CRB1: variants seen among roughly 807,000 people sequenced by gnomAD.
CRB1 encodes crumbs cell polarity complex component 1, also known as protein crumbs homolog 1.
A neutral mutation model predicts 120.0 loss-of-function variants in CRB1; 83 were observed. The observed-to-expected ratio is 0.69, with a 90% CI of 0.58 to 0.83. The LOEUF (loss-of-function observed/expected upper bound fraction) is 0.83, where lower values mean the gene tolerates loss of function less well. Among genes scored for constraint, CRB1 ranks in the 40% least tolerant of loss-of-function variants. The pLI is 0.00. For synonymous variants in CRB1, 625 were observed against 612.5 expected (o/e 1.02, Z -0.30); for missense variants, 1,699 against 1,687.6 (o/e 1.01, Z -0.12).
intron 1 of CRB1, among the ~76,000 whole-genome samples, chr1:197,325,798 G>A (rs1265019797): frequency 6.6e-6 from 1 of 152,096 alleles, no homozygotes; most frequent in Non-Finnish European, 1.5e-5. Flanking sequence ...GATACAATGA[G>A]GAGTGTTTAT....
Position 197,421,408 on chromosome 1 carries a change from G to C in CRB1, c.1580G>C (p.Ser527Thr). 6.2e-7 allele frequency: 1 copy of C among 1,614,190 alleles called. No individual in the cohort carries two copies. The highest frequency in any genetic ancestry group is 8.5e-7 in the Non-Finnish European group (1 of 1,180,034). Residue 527 changes from serine to threonine, a missense_variant, in exon 6 of 12, where the codon AGC (serine) becomes ACC (threonine). By Grantham distance (58) the Ser-to-Thr change is moderately conservative. Coordinates refer to ENST00000367400, the MANE Select transcript of CRB1 (RefSeq NM_201253.3). ...CCAATGGCTCTTCTACTTTTCCGAA[G>C]CAACAGGGATGTGTTTGTGAAGCTG... ...VQPMALLLFR[S>T]NRDVFVKLEL...
At chr1:197,344,136 T>A (rs1558067615) in intron 2 of CRB1, 145 bp from the exon 3 acceptor site, 2 of 824,994 alleles carry the variant, frequency 2.4e-6, no homozygotes, top group East Asian at 2.6e-5. Flanking sequence ...CAAAAGTTAA[T>A]ATCAATTACA....
chr1:197,238,028 T>C, the CRB1 span, among the ~76,000 whole-genome samples: 2 of 152,198 alleles, frequency 1.3e-5, no homozygotes, highest in Non-Finnish European at 2.9e-5. Flanking sequence ...GTTCTACAAA[T>C]GTTGATATGT....
At chr1:197,280,368 A>G (rs1419675261) in intron 1 of CRB1, among the ~76,000 whole-genome samples, 1 of 151,864 alleles carries the variant, frequency 6.6e-6, no homozygotes, top group African/African-American at 2.4e-5. Flanking sequence ...ATAATAATCT[A>G]TTGCTCAAAC....
chr1:197,228,617 T>G, the CRB1 span, among the ~76,000 whole-genome samples: 1 of 152,212 alleles, frequency 6.6e-6, no homozygotes, highest in Non-Finnish European at 1.5e-5. Flanking sequence ...TTTCCCACAT[T>G]TTCCCGGCTT....
At chr1:197,459,060 A>G (rs1397944382) in intron 11 of CRB1, among the ~76,000 whole-genome samples, 12 of 151,970 alleles carry the variant, frequency 7.9e-5, no homozygotes, top group Admixed American at 6.6e-5. Flanking sequence ...TGATAGTGGG[A>G]AAAAAAAGTT....
intron 1 of CRB1, among the ~76,000 whole-genome samples, chr1:197,279,064 A>G (rs1655379122): frequency 6.6e-6 from 1 of 152,016 alleles, no homozygotes; most frequent in Non-Finnish European, 1.5e-5. Flanking sequence ...GAAAGAAAAT[A>G]TAATCAAGCT....
At position 197,273,778 on chromosome 1, in the gene CRB1, T is replaced by TA. The variant is rs758317576; in HGVS notation, c.70+5302dup. Among the ~76,000 whole-genome samples the TA allele has an allele frequency of 1.1e-4, 16 of 152,130 alleles. 1 individual carries two copies. Among genetic ancestry groups the TA allele is most frequent in the Admixed American group, 5.2e-4 (8 of 15,250 alleles). ...CTCCCCATCAATGTGGGGTGCTTTT[T>TA]AAAAAAGGATTTTCTTCCTTTATGG... On this transcript the variant is annotated intron_variant, in intron 1 of 11. Transcript: ENST00000367400.
intron 5 of CRB1, among the ~76,000 whole-genome samples, chr1:197,380,846 A>C (rs1008000302): frequency 1.3e-5 from 2 of 152,142 alleles, no homozygotes; most frequent in African/African-American, 2.4e-5. Flanking sequence ...AAATTACACA[A>C]AGCAGCCCTG....
At chr1:197,331,164 A>G (rs1476231398) in intron 2 of CRB1, among the ~76,000 whole-genome samples, 1 of 152,150 alleles carries the variant, frequency 6.6e-6, no homozygotes, top group Non-Finnish European at 1.5e-5. Context: ...TCTCAAAAAA[A>G]AAAAGAGGAG....
At chr1:197,397,128 T>A (rs1306205253) in intron 5 of CRB1, among the ~76,000 whole-genome samples, 1 of 151,968 alleles carries the variant, frequency 6.6e-6, no homozygotes, top group Non-Finnish European at 1.5e-5. Context: ...ATACAAAAAA[T>A]TTAAATAAAT....
the CRB1 span, among the ~76,000 whole-genome samples, chr1:197,261,164 A>G: frequency 6.6e-6 from 1 of 152,206 alleles, no homozygotes; most frequent in Admixed American, 6.5e-5. Flanking sequence ...AATCTATACA[A>G]ACACAGAATA....
chr1:197,288,535 C>A (rs941734846), intron 1 of CRB1, among the ~76,000 whole-genome samples: 1 of 151,692 alleles, frequency 6.6e-6, no homozygotes, highest in Non-Finnish European at 1.5e-5. Context: ...CAAAACAGAT[C>A]ATAAATTGAT....
chr1:197,239,147 C>T, the CRB1 span, among the ~76,000 whole-genome samples: 63 of 151,770 alleles, frequency 4.2e-4, no homozygotes, highest in Admixed American at 1.6e-3. Context: ...ATAGTCTATC[C>T]GGGTATATCT....
At chr1:197,316,699 TCATTGAAG>T (rs1321198372) in intron 1 of CRB1, among the ~76,000 whole-genome samples, 2 of 152,132 alleles carry the variant, frequency 1.3e-5, no homozygotes, top group Non-Finnish European at 2.9e-5. Context: ...ACTTTAAAAT[TCATTGAAG>T]CAAACTCTCT....
chr1:197,230,923 G>GA, the CRB1 span, among the ~76,000 whole-genome samples: 1 of 152,120 alleles, frequency 6.6e-6, no homozygotes, highest in Non-Finnish European at 1.5e-5. Context: ...GGTAAAATTA[G>GA]AGATATTAAA....
chr1:197,405,650 G>A lies in CRB1; in HGVS notation c.1172-15350G>A, dbSNP rs542194653. On this transcript the variant is annotated intron_variant, in intron 5 of 11. Coordinates refer to ENST00000367400, the MANE Select transcript of CRB1 (RefSeq NM_201253.3). ...AAGTGAGGAGTGTCTCTGCCCGGCC[G>A]CCCATCGTCTGAGATGTGGGGAGCG... is the stretch of plus-strand genomic sequence containing the variant. Among the ~76,000 whole-genome samples the A allele has an allele frequency of 6.0e-5, 9 of 150,192 alleles. No homozygotes were observed. In the South Asian group the frequency reaches 1.1e-3, roughly 18 times the overall value.
chr1:197,301,710 G>T (rs1042022249), intron 1 of CRB1, among the ~76,000 whole-genome samples: 2 of 152,086 alleles, frequency 1.3e-5, no homozygotes, highest in Admixed American at 1.3e-4. Flanking sequence ...AGAGTTGGAA[G>T]AAATTGATTC....
At chr1:197,355,471 G>A (rs1198036987) in intron 4 of CRB1, among the ~76,000 whole-genome samples, 1 of 152,216 alleles carries the variant, frequency 6.6e-6, no homozygotes, top group Non-Finnish European at 1.5e-5. Flanking sequence ...GGAAGCTGGG[G>A]CTGCTCAGGA....
Sources: allele counts gnomAD v4.1 joint callset (sites outside exome capture counted in the v4.1 genomes callset), GRCh38; gene constraint gnomAD v4.1.1; transcripts MANE v1.5; gene names NCBI Gene and HGNC (gene_info 2026-07-23, HGNC 2026-07-21).